ATP2C2: variants seen among roughly 807,000 people sequenced by gnomAD.
ATP2C2 encodes ATPase secretory pathway Ca2+ transporting 2, also known as calcium-transporting ATPase type 2C member 2.
ATP2C2 carries 171 observed loss-of-function variants against 110.8 expected under a neutral mutation model. That is an observed-to-expected ratio of 1.54 (90% CI 1.36 to 1.75). ATP2C2 has a LOEUF of 1.75. Ranked by LOEUF, ATP2C2 falls within the 40% of genes most tolerant of loss-of-function variation. The pLI is 0.00. For synonymous variants in ATP2C2, 804 were observed against 508.4 expected (o/e 1.58, Z -7.82); for missense variants, 1,963 against 1,235.0 (o/e 1.59, Z -8.84).
At position 84,399,040 on chromosome 16, in the gene ATP2C2, G is replaced by A. The variant is rs574960864; in HGVS notation, c.210+431G>A. On this transcript the variant is annotated intron_variant, in intron 2 of 26. Coordinates refer to ENST00000262429, the MANE Select transcript of ATP2C2 (RefSeq NM_014861.4). ...CCCACCGTCGTCTTTTATAATCCGTGGAGTTGCCAGGTACTAAAACCAAAT... is the reference window on the plus strand; with the variant it reads ...CCCACCGTCGTCTTTTATAATCCGTAGAGTTGCCAGGTACTAAAACCAAAT... Among the ~76,000 whole-genome samples the A allele has an allele frequency of 5.3e-5, 8 of 152,324 alleles. No individual in the cohort carries two copies. In the South Asian group the frequency reaches 1.5e-3, roughly 28 times the overall value.
At chr16:84,462,163 C>A in intron 26 of ATP2C2, 34 bp downstream of exon 26, 1 of 1,596,064 alleles carries the variant, frequency 6.3e-7, no homozygotes. Context: ...CAGGTGACCT[C>A]GACCAGGGCC....
At chr16:84,437,955 C>G (rs977886958) in intron 11 of ATP2C2, among the ~76,000 whole-genome samples, 1 of 151,236 alleles carries the variant, frequency 6.6e-6, no homozygotes, top group African/African-American at 2.4e-5. Flanking sequence ...CTGAACATCC[C>G]TTATGAATGG....
In ATP2C2 at chr16:84,459,266, G is replaced by A. The variant is rs568161562; in HGVS notation, c.2217-4G>A. 47 of 1,614,020 alleles carry A rather than the reference G, an allele frequency of 2.9e-5. No homozygotes were observed. The highest frequency in any genetic ancestry group is 3.3e-4 in the Middle Eastern group (2 of 6,084). The stretch of plus-strand genomic sequence containing the variant: ...GCCGCTGACTGGCTGCGTGTGCCCC[G>A]CAGGAGCATCTCCGCCCTGAGTCTC... On this transcript the variant is annotated splice_polypyrimidine_tract_variant and splice_region_variant and intron_variant, in intron 22 of 26. Transcript: ENST00000262429.
chr16:84,393,190 T>G (rs1356816321), intron 1 of ATP2C2, among the ~76,000 whole-genome samples: 1 of 152,146 alleles, frequency 6.6e-6, no homozygotes, highest in Non-Finnish European at 1.5e-5. Flanking sequence ...CAATCCTGTT[T>G]TCAACAAAGG....
At chr16:84,446,826 C>T (rs746428831) in intron 16 of ATP2C2, among the ~76,000 whole-genome samples, 1 of 152,140 alleles carries the variant, frequency 6.6e-6, no homozygotes, top group African/African-American at 2.4e-5. Flanking sequence ...TGACTGAGGC[C>T]CTGCTGCTAA....
At chr16:84,444,615 C>A (rs540999187) in intron 15 of ATP2C2, among the ~76,000 whole-genome samples, 32 of 152,362 alleles carry the variant, frequency 2.1e-4, no homozygotes, top group African/African-American at 7.2e-4. Flanking sequence ...AACAACTCCT[C>A]GCCGCCCAGA....
In ATP2C2 at chr16:84,415,479, G is replaced by C. The variant is rs766019949; in HGVS notation, c.516-4G>C. On this transcript the variant is annotated splice_region_variant and splice_polypyrimidine_tract_variant and intron_variant, in intron 6 of 26. Transcript: ENST00000262429. ...GCTTTTGCTTTTTACCATGTCAAAT[G>C]CAGCCTAAGAGAAGGAAAACTCCAG... The C allele has an allele frequency of 1.2e-6, 2 of 1,613,726 alleles. No homozygotes were observed. The highest frequency in any genetic ancestry group is 1.7e-6 in the Non-Finnish European group (2 of 1,179,656).
intron 1 of ATP2C2, among the ~76,000 whole-genome samples, chr16:84,373,244 A>G (rs994053863): frequency 6.6e-6 from 1 of 152,176 alleles, no homozygotes; most frequent in Non-Finnish European, 1.5e-5. Flanking sequence ...TTACGCCTGT[A>G]ATCCCAGCAC....
chr16:84,405,632 A>G (rs140637048), intron 3 of ATP2C2, among the ~76,000 whole-genome samples: 10 of 152,270 alleles, frequency 6.6e-5, no homozygotes, highest in Non-Finnish European at 1.3e-4. Context: ...TTAAATTTCA[A>G]TTTCAGGCTG....
chr16:84,458,433 C>T (rs4782968), intron 21 of ATP2C2, among the ~76,000 whole-genome samples: 2 of 136,370 alleles, frequency 1.5e-5, no homozygotes, highest in Admixed American at 7.3e-5. Flanking sequence ...CAGCATGGCA[C>T]ATGTATACAT....
chr16:84,461,645 G>C (rs973073462), intron 24 of ATP2C2, 69 bp from the exon 25 acceptor site: 1 of 1,403,676 alleles, frequency 7.1e-7, no homozygotes, highest in Non-Finnish European at 1.0e-6. Context: ...AGGCAGGCCT[G>C]TGCCCTTTGG....
rs528291855 is a variant in ATP2C2, at chr16:84,446,204, G to A, written c.1402-125G>A. On this transcript the variant is annotated intron_variant, in intron 15 of 26. Coordinates refer to ENST00000262429, the MANE Select transcript of ATP2C2 (RefSeq NM_014861.4). ...AAGAGAAATGGCCTTTTTTCTATGT[G>A]CTAAATGCTTGGATTTCTTATCTGC... 1.1e-4 allele frequency: 49 copies of A among 464,320 alleles called. No individual in the cohort carries two copies. The South Asian group carries it at 3.2e-3, about 30-fold the overall frequency. 28.8% of individuals were successfully genotyped at this position (464,320 alleles called of 1,614,324 possible).
chr16:84,402,346 T>TA (rs1046792437), intron 2 of ATP2C2, among the ~76,000 whole-genome samples: 125 of 152,356 alleles, frequency 8.2e-4, no homozygotes, highest in African/African-American at 2.9e-3. Flanking sequence ...AGCTAGAACT[T>TA]ACAGTATTCT....
chr16:84,370,933 G>T (rs919185880), intron 1 of ATP2C2, among the ~76,000 whole-genome samples: 14 of 152,156 alleles, frequency 9.2e-5, no homozygotes, highest in African/African-American at 3.4e-4. Context: ...GATCAATGAG[G>T]ATGTGAGGCT....
chr16:84,462,163 C>T lies in ATP2C2; in HGVS notation c.2722+34C>T, dbSNP rs760592569. ...TGGGGACGGGAACGACAGGTGACCT[C>T]GACCAGGGCCATGGGGGGCGGCAGC... On this transcript the variant is annotated intron_variant, in intron 26 of 26. Coordinates refer to ENST00000262429, the MANE Select transcript of ATP2C2 (RefSeq NM_014861.4). 4.4e-5 allele frequency: 71 copies of T among 1,596,064 alleles called. No homozygotes were observed. The South Asian group carries it at 6.9e-4, about 16-fold the overall frequency.
At position 84,455,101 on chromosome 16, in the gene ATP2C2, G is replaced by A. The variant is rs1416695182; in HGVS notation, c.2147+117G>A. ...GGGTCTCGCGGAGTCCCCAGGGAGA[G>A]CTGAATCTCGGGGCTCGTCAGTGTG... On this transcript the variant is annotated intron_variant, in intron 21 of 26. Transcript: ENST00000262429. The A allele has an allele frequency of 5.2e-6, 7 of 1,338,870 alleles. No individual in the cohort carries two copies. The East Asian group carries it at 1.0e-4, about 19-fold the overall frequency. The allele number at this position is 1,338,870 out of a possible 1,614,324, so 82.9% of individuals were successfully genotyped here.
At chr16:84,423,366 C>T (rs1907529332) in intron 10 of ATP2C2, 103 bp downstream of exon 10, 1 of 1,111,952 alleles carries the variant, frequency 9.0e-7, no homozygotes, top group Non-Finnish European at 1.3e-6. Context: ...TACTCAGCTG[C>T]ATAAGGCTTG....
In ATP2C2 at chr16:84,460,712, G is replaced by C. The variant is rs1489792352; in HGVS notation, c.2392G>C (p.Asp798His). ...AFRQPPRSVR[D>H]TILSRALILK... ...CAGGCAGCCACCACGGAGTGTGCGG[G>C]ACACCATCCTCAGCAGAGCCCTCAT... Residue 798 changes from aspartate to histidine, a missense_variant, in exon 24 of 27, where the codon GAC (aspartate) becomes CAC (histidine). Asp to His is a moderately conservative substitution (Grantham distance 81, BLOSUM62 -1). Coordinates refer to ENST00000262429, the MANE Select transcript of ATP2C2 (RefSeq NM_014861.4). The C allele has an allele frequency of 2.5e-6, 4 of 1,614,090 alleles. No individual in the cohort carries two copies. In the East Asian group the frequency reaches 6.7e-5, roughly 27 times the overall value.
At chr16:84,451,483 G>A (rs774299964) in intron 17 of ATP2C2, among the ~76,000 whole-genome samples, 80 of 152,324 alleles carry the variant, frequency 5.3e-4, no homozygotes, top group Non-Finnish European at 9.7e-4. Context: ...TCCCTTTCAG[G>A]CTAGGGACTT....
Sources: allele counts gnomAD v4.1 joint callset (sites outside exome capture counted in the v4.1 genomes callset), GRCh38; gene constraint gnomAD v4.1.1; transcripts MANE v1.5; gene names NCBI Gene and HGNC (gene_info 2026-07-23, HGNC 2026-07-21).